GIT1: variants seen among roughly 807,000 people sequenced by gnomAD.
GIT1 encodes ARF GTPase-activating protein GIT1.
Under a neutral mutation model 91.7 loss-of-function variants are expected in GIT1, and 14 were observed. The observed-to-expected ratio is 0.15, with a 90% CI of 0.10 to 0.24. The LOEUF is 0.24. GIT1 is among the 10% of genes least tolerant of loss of function. The pLI is 1.00. For synonymous variants in GIT1, 414 were observed against 418.2 expected, an observed-to-expected ratio of 0.99 and a Z score of 0.12; for missense variants, 717 against 1,024.9, an observed-to-expected ratio of 0.70 and a Z score of 4.10.
chr17:29,585,560 C>T (rs2150852540), intron 1 of GIT1, among the ~76,000 whole-genome samples: 1 of 152,222 alleles, frequency 6.6e-6, no homozygotes, highest in East Asian at 1.9e-4. Context: ...TTTCCCCCAG[C>T]CTGGGGGAGG....
chr17:29,574,625 G>T lies in GIT1; in HGVS notation c.*77C>A. The T allele has an allele frequency of 8.4e-7, 1 of 1,186,480 alleles. No homozygotes were observed. Among genetic ancestry groups the T allele is most frequent in the Non-Finnish European group, 1.3e-6 (1 of 798,376 alleles). The allele number at this position is 1,186,480 out of a possible 1,614,324, so 73.5% of individuals were successfully genotyped here. ...TTGTGCCAGTGGCTCTGTTGGGGTGGGGATTAATGTCTGGAGTGGCCCAGC... is the reference window on the plus strand; with the variant it reads ...TTGTGCCAGTGGCTCTGTTGGGGTGTGGATTAATGTCTGGAGTGGCCCAGC... On this transcript the variant is annotated 3_prime_UTR_variant, in exon 20 of 20. Coordinates refer to ENST00000225394, the MANE Select transcript of GIT1 (RefSeq NM_014030.4).
Position 29,577,236 on chromosome 17 carries a change from C to T in GIT1, c.993G>A (p.Lys331=). ...YSATRNQGRQ[K]LARFNAREFA... is the part of the protein sequence containing the mutation. ...ACTCTCGGGCATTAAAGCGGGCCAG[C>T]TTTTGTCGCCCCTGCAAGGCAGAAA... Residue 331 remains lysine (K), a synonymous_variant, in exon 11 of 20, where the codon AAG becomes AAA. Transcript: ENST00000225394. The T allele has an allele frequency of 1.2e-6, 2 of 1,613,716 alleles. No individual in the cohort carries two copies. Among genetic ancestry groups the T allele is most frequent in the Non-Finnish European group, 1.7e-6 (2 of 1,179,970 alleles).
chr17:29,577,572 A>C (rs2033256706), intron 10 of GIT1, 73 bp downstream of exon 10: 1 of 985,968 alleles, frequency 1.0e-6, no homozygotes, highest in Non-Finnish European at 1.6e-6. Flanking sequence ...CTCAGGCCCC[A>C]GCCCACTGCC....
In GIT1 at chr17:29,578,791, G is replaced by A. The variant is rs759861545; in HGVS notation, c.762-12C>T. On this transcript the variant is annotated splice_polypyrimidine_tract_variant and intron_variant, in intron 7 of 19. Coordinates refer to ENST00000225394, the MANE Select transcript of GIT1 (RefSeq NM_014030.4). ...CGGATAAGTCAAGGCTGAGGGCAGA[G>A]GGAGATGGGAATTGGGAGGAGAGGA... 6.8e-6 allele frequency: 11 copies of A among 1,613,656 alleles called. No individual in the cohort carries two copies. Among genetic ancestry groups the A allele is most frequent in the East Asian group, 2.2e-5 (1 of 44,876 alleles).
chr17:29,578,241 G>C, intron 9 of GIT1, 58 bp downstream of exon 9: 17 of 1,369,512 alleles, frequency 1.2e-5, no homozygotes, highest in Non-Finnish European at 1.7e-5. Flanking sequence ...AAGGACCAGA[G>C]ACCCATGCCT....
At chr17:29,582,597 T>G in intron 4 of GIT1, 101 bp downstream of exon 4, 1 of 813,420 alleles carries the variant, frequency 1.2e-6, no homozygotes, top group Non-Finnish European at 2.1e-6. Context: ...CTGGCTGCCT[T>G]TGGGGCCCAG....
At chr17:29,586,225 T>A (rs550493010) in intron 1 of GIT1, among the ~76,000 whole-genome samples, 158 of 152,364 alleles carry the variant, frequency 1.0e-3, no homozygotes, top group African/African-American at 3.7e-3. Flanking sequence ...CTGCAGTCCA[T>A]ATGCGGCCCA....
chr17:29,575,110 G>A lies in GIT1; in HGVS notation c.2042C>T (p.Ala681Val). 1 of 1,601,204 alleles carries A rather than the reference G, an allele frequency of 6.2e-7. No individual in the cohort carries two copies. Among genetic ancestry groups the A allele is most frequent in the Non-Finnish European group, 8.5e-7 (1 of 1,170,268 alleles). ...GAAGAGGGAGGCCATCTCGGTCACAGCCAAATGGATCTTCTCTGAGCAGGG... is the reference window on the plus strand; with the variant it reads ...GAAGAGGGAGGCCATCTCGGTCACAACCAAATGGATCTTCTCTGAGCAGGG... ...FVPCSEKIHL[A>V]VTEMASLFPK... The change falls in exon 19 of 20, where the codon GCT (alanine) becomes GTT (valine). Residue 681 changes from alanine to valine, a missense_variant. By Grantham distance (64) the Ala-to-Val change is moderately conservative. This residue lies in a region of GIT1 where 134 missense variants were observed against 223.8 expected (regional missense o/e 0.60). Transcript: ENST00000225394. This position sits in a 1 kb window ranked among gnomAD's most constrained non-coding sequence, Gnocchi z 5.5.
At chr17:29,576,766 G>A in intron 12 of GIT1, 92 bp from the exon 13 acceptor site, 1 of 1,582,332 alleles carries the variant, frequency 6.3e-7, no homozygotes, top group Non-Finnish European at 8.6e-7. Context: ...CAGCCCACCT[G>A]TCCCTCAGGC....
chr17:29,581,995 C>T lies in GIT1; in HGVS notation c.555G>A (p.Leu185=). ...CAGGGTCAGCCCCATACACTACAAG[C>T]AGCTCGGCCTGCAGTGTCTGTCCTG... ...AKAGQTLQAE[L]LVVYGADPGS... The change falls in exon 5 of 20, where the codon CTG becomes CTA. Residue 185 remains leucine (L), a synonymous_variant. Coordinates refer to ENST00000225394, the MANE Select transcript of GIT1 (RefSeq NM_014030.4). The surrounding 1 kb of genome is among the most constrained non-coding windows in gnomAD (Gnocchi z 4.8). 1.9e-6 allele frequency: 3 copies of T among 1,612,918 alleles called. No individual in the cohort carries two copies. Among genetic ancestry groups the T allele is most frequent in the Non-Finnish European group, 2.5e-6 (3 of 1,180,034 alleles).
Position 29,576,201 on chromosome 17 carries a change from A to C in GIT1, c.1611+19T>G. 6.2e-7 allele frequency: 1 copy of C among 1,606,336 alleles called. No homozygotes were observed. On this transcript the variant is annotated intron_variant, in intron 14 of 19. Coordinates refer to ENST00000225394, the MANE Select transcript of GIT1 (RefSeq NM_014030.4). ...GCCCCACCCATCTCCCCACACCTTG[A>C]GACCCATAGGTGACTCACAGTGCTG...
At chr17:29,582,259 A>G (rs985950021) in intron 4 of GIT1, 115 bp from the exon 5 acceptor site, 6 of 723,194 alleles carry the variant, frequency 8.3e-6, no homozygotes, top group Non-Finnish European at 1.4e-5. Context: ...AGGCCTGCCC[A>G]AACCAGACTA....
intron 1 of GIT1, 84 bp from the exon 2 acceptor site, chr17:29,583,700 AG>A: frequency 1.4e-6 from 2 of 1,411,114 alleles, no homozygotes; most frequent in Non-Finnish European, 1.9e-6. Flanking sequence ...TGCCAAGCCT[AG>A]TACTCTCCAC....
chr17:29,578,272 G>A (rs376112465), intron 9 of GIT1, 27 bp downstream of exon 9: 5 of 1,592,302 alleles, frequency 3.1e-6, no homozygotes, highest in African/African-American at 2.7e-5. Context: ...GGTCCTCCAC[G>A]CCAGACACTC....
At chr17:29,576,008 G>A in intron 15 of GIT1, 70 bp downstream of exon 15, 10 of 1,568,514 alleles carry the variant, frequency 6.4e-6, no homozygotes, top group Non-Finnish European at 7.9e-6. Flanking sequence ...CCCGAATTCA[G>A]CACAGAGCCC....
chr17:29,584,791 G>A (rs1047771987), intron 1 of GIT1, among the ~76,000 whole-genome samples: 1 of 152,162 alleles, frequency 6.6e-6, no homozygotes. Flanking sequence ...CTCCCAACTA[G>A]AAGGCAATTC....
At chr17:29,584,100 C>T (rs903440300) in intron 1 of GIT1, among the ~76,000 whole-genome samples, 1 of 152,244 alleles carries the variant, frequency 6.6e-6, no homozygotes, top group African/African-American at 2.4e-5. Flanking sequence ...TCCTTTCATG[C>T]TGGAGCCTCC....
intron 10 of GIT1, 34 bp from the exon 11 acceptor site, chr17:29,577,281 G>A (rs778839833): frequency 1.3e-4 from 203 of 1,570,080 alleles, no homozygotes; most frequent in Non-Finnish European, 1.7e-4. Context: ...TGGCTTCAGG[G>A]GACCCCTTAT....
At position 29,581,685 on chromosome 17, in the gene GIT1, A is replaced by C. The variant is rs1598573696; in HGVS notation, c.718+57T>G. On this transcript the variant is annotated intron_variant, in intron 6 of 19. Coordinates refer to ENST00000225394, the MANE Select transcript of GIT1 (RefSeq NM_014030.4). This position sits in a 1 kb window ranked among gnomAD's most constrained non-coding sequence, Gnocchi z 4.8. The stretch of plus-strand genomic sequence containing the variant: ...CTGCTGCCGGGTGCGTCCAGGTCCC[A>C]CCTGCCCAGCCCCAGCCAGGCCTGT... 4.2e-6 allele frequency: 6 copies of C among 1,418,676 alleles called. No homozygotes were observed. In the South Asian group the frequency reaches 6.9e-5, roughly 16 times the overall value. 87.9% of individuals were successfully genotyped at this position (1,418,676 alleles called of 1,614,324 possible).
Sources: allele counts gnomAD v4.1 joint callset (sites outside exome capture counted in the v4.1 genomes callset), GRCh38; gene constraint gnomAD v4.1.1; regional missense constraint gnomAD v4.1.1; non-coding constraint Gnocchi (gnomAD v3.1); transcripts MANE v1.5; gene names NCBI Gene and HGNC (gene_info 2026-07-23, HGNC 2026-07-21).